The following ATRN variants were observed in gnomAD, a reference collection of about 807,000 sequenced individuals.
ATRN encodes attractin.
ATRN carries 54 observed loss-of-function variants against 178.7 expected under a neutral mutation model. The ratio of observed to expected loss-of-function variants is 0.30; its 90% CI spans 0.24 to 0.38. The LOEUF (loss-of-function observed/expected upper bound fraction) is 0.38, where lower values mean the gene tolerates loss of function less well. Among genes scored for constraint, ATRN ranks in the 10% least tolerant of loss-of-function variants. The probability of loss-of-function intolerance (pLI) is 1.00; values close to 1 mark genes in which losing one functional copy is unlikely to be tolerated. For synonymous variants in ATRN, 636 were observed against 663.0 expected (o/e 0.96, Z 0.63); for missense variants, 1,443 against 1,815.1 (o/e 0.79, Z 3.73).
intron 28 of ATRN, 54 bp downstream of exon 28, chr20:3,644,322 G>A (rs2087091439): frequency 1.4e-6 from 2 of 1,414,864 alleles, no homozygotes; most frequent in East Asian, 2.3e-5. Context: ...AGGGAGCTAA[G>A]CATGGGATAC....
At chr20:3,585,369 A>C (rs984835178) in intron 18 of ATRN, among the ~76,000 whole-genome samples, 12 of 152,080 alleles carry the variant, frequency 7.9e-5, no homozygotes, top group Admixed American at 7.9e-4. Flanking sequence ...GTAAACTCCC[A>C]CCCTCCAGGG....
chr20:3,614,035 AC>A (rs2086804135), intron 24 of ATRN, among the ~76,000 whole-genome samples: 1 of 152,216 alleles, frequency 6.6e-6, no homozygotes, highest in Admixed American at 6.5e-5. Flanking sequence ...ACAGATCAAA[AC>A]CTATAACTGC....
chr20:3,487,526 T>C (rs2084711983), intron 1 of ATRN, among the ~76,000 whole-genome samples: 1 of 152,200 alleles, frequency 6.6e-6, no homozygotes, highest in Non-Finnish European at 1.5e-5. Context: ...TATTGGATTG[T>C]TCTAGTAACT....
chr20:3,494,622 T>A (rs1341925906), intron 1 of ATRN, among the ~76,000 whole-genome samples: 1 of 152,124 alleles, frequency 6.6e-6, no homozygotes, highest in African/African-American at 2.4e-5. Flanking sequence ...GAGTCAATAA[T>A]TTTTGGAAGA....
At chr20:3,634,801 T>G (rs568075070) in intron 26 of ATRN, among the ~76,000 whole-genome samples, 1 of 152,288 alleles carries the variant, frequency 6.6e-6, no homozygotes, top group African/African-American at 2.4e-5. Flanking sequence ...TCTCAAAAAT[T>G]TTTCATTATT....
intron 19 of ATRN, among the ~76,000 whole-genome samples, chr20:3,591,852 C>T (rs2086449391): frequency 6.6e-6 from 1 of 152,134 alleles, no homozygotes; most frequent in Admixed American, 6.5e-5. Flanking sequence ...AGCCCAAGGC[C>T]TCAGATAGGG....
chr20:3,567,587 A>C (rs1318996568), intron 11 of ATRN, among the ~76,000 whole-genome samples: 1 of 152,222 alleles, frequency 6.6e-6, no homozygotes, highest in African/African-American at 2.4e-5. Context: ...GAGGGAGGCC[A>C]GCTACTAAAA....
chr20:3,638,997 G>T lies in ATRN; in HGVS notation c.4050+62G>T. 7.3e-7 allele frequency: 1 copy of T among 1,363,022 alleles called. No individual in the cohort carries two copies. The highest frequency in any genetic ancestry group is 1.0e-6 in the Non-Finnish European group (1 of 975,162). The allele number at this position is 1,363,022 out of a possible 1,614,324, so 84.4% of individuals were successfully genotyped here. On this transcript the variant is annotated intron_variant, in intron 27 of 28. Transcript: ENST00000262919. This position sits in a 1 kb window ranked among gnomAD's most constrained non-coding sequence, Gnocchi z 4.5. ...TTTTAAAACTTAGGCTCCTAAGTCT[G>T]GGAAACCAGAGAGAGCAAAAGCCCT...
chr20:3,480,432 A>C (rs568217090), intron 1 of ATRN, among the ~76,000 whole-genome samples: 1 of 152,316 alleles, frequency 6.6e-6, no homozygotes, highest in African/African-American at 2.4e-5. Flanking sequence ...CTCCCAGAAG[A>C]TGGAGGATGG....
At chr20:3,479,451 G>A (rs1312107584) in intron 1 of ATRN, among the ~76,000 whole-genome samples, 1 of 152,186 alleles carries the variant, frequency 6.6e-6, no homozygotes, top group African/African-American at 2.4e-5. Context: ...GGTTCTGGTG[G>A]AAGACATCAC....
intron 2 of ATRN, 73 bp from the exon 3 acceptor site, chr20:3,540,149 T>G: frequency 1.1e-6 from 1 of 871,782 alleles, no homozygotes; most frequent in Non-Finnish European, 1.8e-6. Flanking sequence ...TTTAAAAATC[T>G]GAATTTTTAT....
intron 1 of ATRN, among the ~76,000 whole-genome samples, chr20:3,532,995 C>G (rs983798662): frequency 5.3e-5 from 8 of 152,204 alleles, no homozygotes; most frequent in African/African-American, 1.9e-4. Flanking sequence ...ATCTCCTGAC[C>G]TCGTGATCCA....
intron 1 of ATRN, among the ~76,000 whole-genome samples, chr20:3,523,207 A>C (rs2085319660): frequency 6.6e-6 from 1 of 152,036 alleles, no homozygotes; most frequent in Non-Finnish European, 1.5e-5. Context: ...TAACCAGTTT[A>C]GAGAAGAATG....
At chr20:3,636,717 C>T (rs6037643) in intron 26 of ATRN, among the ~76,000 whole-genome samples, 25,753 of 152,124 alleles carry the variant, frequency 0.17, 4,503 homozygotes, top group African/African-American at 0.45. Context: ...GACTGAGGCT[C>T]AGAAAGGTGA....
At chr20:3,526,442 G>C (rs899598986) in intron 1 of ATRN, among the ~76,000 whole-genome samples, 5 of 152,072 alleles carry the variant, frequency 3.3e-5, no homozygotes, top group East Asian at 1.9e-4. Flanking sequence ...AATAAGAGAG[G>C]ACACAAATGG....
chr20:3,596,859 T>G (rs931569818), intron 21 of ATRN, among the ~76,000 whole-genome samples: 7 of 152,118 alleles, frequency 4.6e-5, no homozygotes, highest in Admixed American at 3.9e-4. Flanking sequence ...AGGTGAAAGG[T>G]GAGTCTGACA....
At chr20:3,554,982 C>CCTGA in intron 6 of ATRN, among the ~76,000 whole-genome samples, 1 of 142,292 alleles carries the variant, frequency 7.0e-6, no homozygotes, top group South Asian at 2.3e-4. Flanking sequence ...CCAAGTGTGA[C>CCTGA]CTGACCTCTT....
At chr20:3,486,726 C>T (rs1015558249) in intron 1 of ATRN, among the ~76,000 whole-genome samples, 4 of 152,094 alleles carry the variant, frequency 2.6e-5, no homozygotes, top group Non-Finnish European at 5.9e-5. Flanking sequence ...CATAGTCTAT[C>T]TCTGTTATTT....
At chr20:3,512,107 A>ATATATATATATATATATATATATTTTT in intron 1 of ATRN, among the ~76,000 whole-genome samples, 1 of 106,394 alleles carries the variant, frequency 9.4e-6, no homozygotes, top group Non-Finnish European at 1.8e-5. Flanking sequence ...ATATATATAT[A>ATATATATATATATATATATATATTTTT]TTTTTTTTTT....
Sources: gnomAD v4.1 joint callset for allele counts (sites outside exome capture counted in the v4.1 genomes callset) on GRCh38, gnomAD v4.1.1 for gene constraint, Gnocchi (gnomAD v3.1) non-coding constraint, MANE v1.5 for transcripts, NCBI Gene and HGNC (gene_info 2026-07-23, HGNC 2026-07-21) for gene names.